The following ZNF100 variants were observed in gnomAD, a reference collection of about 807,000 sequenced individuals.
ZNF100 encodes the protein zinc finger protein 100 (Y1).
ZNF100 carries 12 observed loss-of-function variants against 15.8 expected under a neutral mutation model. That is an observed-to-expected ratio of 0.76 (90% CI 0.49 to 1.23). ZNF100 has a LOEUF of 1.23. Ranked by LOEUF, ZNF100 falls within the 50% of genes most tolerant of loss-of-function variation. ZNF100 has a pLI of 0.00. For synonymous variants in ZNF100, 226 were observed against 214.8 expected (o/e 1.05, Z -0.45); for missense variants, 670 against 635.6 (o/e 1.05, Z -0.58).
At chr19:21,731,210 CAT>C (rs773826344) in intron 4 of ZNF100, among the ~76,000 whole-genome samples, 128 of 152,004 alleles carry the variant, frequency 8.4e-4, no homozygotes, top group Middle Eastern at 3.4e-3. Flanking sequence ...GAAACTTTCA[CAT>C]ATATGTTTAT....
chr19:21,742,275 C>T lies in ZNF100; in HGVS notation c.322+1742G>A, dbSNP rs1411187338. Among the ~76,000 whole-genome samples, 4 of 138,928 alleles carry T rather than the reference C, an allele frequency of 2.9e-5. No homozygotes were observed. In the East Asian group the frequency reaches 8.2e-4, roughly 28 times the overall value. 91.1% of individuals were successfully genotyped at this position (138,928 alleles called of 152,430 possible). On this transcript the variant is annotated intron_variant, in intron 4 of 4. Transcript: ENST00000358296. ...TTGCGCTATTGCACTCCAGCCTCGG[C>T]GACAGAGCAAGACTCTGTCCCCCAC...
At position 21,726,402 on chromosome 19, in the gene ZNF100, A is replaced by G; in HGVS notation, c.*281T>C. 2.7e-6 allele frequency: 1 copy of G among 370,666 alleles called. No homozygotes were observed. Among genetic ancestry groups the G allele is most frequent in the Non-Finnish European group, 4.8e-6 (1 of 207,294 alleles). The allele number at this position is 370,666 out of a possible 1,614,324, so 23.0% of individuals were successfully genotyped here. A position where few individuals can be genotyped will look rare whatever the true frequency, so the allele number is the denominator to read the frequency against. On this transcript the variant is annotated 3_prime_UTR_variant, in exon 5 of 5. Transcript: ENST00000358296. The stretch of plus-strand genomic sequence containing the variant: ...AGTATAACTTACCTTACCTACAATC[A>G]AGTGTGACAACCATTTAAAACTTTA...
intron 2 of ZNF100, among the ~76,000 whole-genome samples, chr19:21,764,909 T>G (rs886757912): frequency 6.6e-6 from 1 of 152,108 alleles, no homozygotes; most frequent in Admixed American, 6.6e-5. Context: ...ATCCACCACA[T>G]TTTCTTGTGG....
intron 2 of ZNF100, chr19:21,753,509 C>G (rs35588095): frequency 0.093 from 14,217 of 152,094 alleles, 895 homozygotes; most frequent in South Asian, 0.18. Flanking sequence ...CTTGAGCCTG[C>G]GGGGTCAAGG....
intron 2 of ZNF100, among the ~76,000 whole-genome samples, chr19:21,745,990 A>T (rs550974327): frequency 6.6e-6 from 1 of 152,248 alleles, no homozygotes; most frequent in East Asian, 1.9e-4. Context: ...CAAAGAAAAC[A>T]TAAGAAAAAA....
chr19:21,767,542 C>G lies in ZNF100; in HGVS notation c.-113G>C. 1.4e-6 allele frequency: 2 copies of G among 1,480,250 alleles called. No individual in the cohort carries two copies. Among genetic ancestry groups the G allele is most frequent in the Non-Finnish European group, 1.8e-6 (2 of 1,089,914 alleles). The allele number at this position is 1,480,250 out of a possible 1,614,324, so 91.7% of individuals were successfully genotyped here. ...AGCAGAAGACACAGAGAAGTGAGAG[C>G]AAAACCTGGAGCTCCGGCTACAGCG... is the stretch of plus-strand genomic sequence containing the variant. On this transcript the variant is annotated 5_prime_UTR_variant, in exon 1 of 5. Transcript: ENST00000358296.
chr19:21,741,728 T>G (rs1199445036), intron 4 of ZNF100, among the ~76,000 whole-genome samples: 1 of 151,620 alleles, frequency 6.6e-6, no homozygotes, highest in African/African-American at 2.4e-5. Flanking sequence ...CAAGCTGGAG[T>G]GCAGTGGCAC....
chr19:21,727,394 T>G lies in ZNF100; in HGVS notation c.918A>C (p.Thr306=). The part of the protein sequence containing the change: ...KAFNRSSHLT[T]HKRIHTGVKP... ...TCACTCCAGTATGAATTCTTTTATG[T>G]GTAGTAAGGTGTGAAGACCGGTTAA... Residue 306 remains threonine (T), a synonymous_variant, in exon 5 of 5, where the codon ACA becomes ACC. Transcript: ENST00000358296. 2 of 1,612,942 alleles carry G rather than the reference T, an allele frequency of 1.2e-6. No homozygotes were observed. The highest frequency in any genetic ancestry group is 8.5e-7 in the Non-Finnish European group (1 of 1,179,726).
Position 21,751,810 on chromosome 19 carries a change from T to C in ZNF100, c.97-6743A>G. ...AAGAAAGAGCACAGAACCTAGAGGC[T>C]ATTTCTAGATTATGTGAAGACAAAG... On this transcript the variant is annotated intron_variant, in intron 2 of 4. Transcript: ENST00000358296. 2.7e-5 allele frequency: 29 copies of C among 1,066,954 alleles called. 2 individuals are homozygous for C. In the South Asian group the frequency reaches 4.4e-4, roughly 16 times the overall value. 66.1% of individuals were successfully genotyped at this position (1,066,954 alleles called of 1,614,324 possible).
chr19:21,741,548 T>C (rs2036108544), intron 4 of ZNF100, among the ~76,000 whole-genome samples: 1 of 152,110 alleles, frequency 6.6e-6, no homozygotes, highest in Admixed American at 6.5e-5. Context: ...CTAATTTTTG[T>C]ATTTTTAGTA....
chr19:21,731,584 G>A (rs1336042271), intron 4 of ZNF100, among the ~76,000 whole-genome samples: 1 of 152,046 alleles, frequency 6.6e-6, no homozygotes, highest in African/African-American at 2.4e-5. Flanking sequence ...TGGGATTACA[G>A]GCATGAGCCA....
intron 4 of ZNF100, among the ~76,000 whole-genome samples, chr19:21,739,462 G>A (rs941527721): frequency 7.9e-6 from 1 of 127,306 alleles, no homozygotes; most frequent in South Asian, 2.5e-4. Flanking sequence ...AGGCTGAGGT[G>A]TAAAGATCAC....
At chr19:21,754,263 A>G (rs1219021178) in intron 2 of ZNF100, among the ~76,000 whole-genome samples, 1 of 151,892 alleles carries the variant, frequency 6.6e-6, no homozygotes, top group Non-Finnish European at 1.5e-5. Flanking sequence ...AACATTGTTT[A>G]TGGAGTTCAG....
chr19:21,758,064 A>G (rs912241983), intron 2 of ZNF100, among the ~76,000 whole-genome samples: 4 of 152,188 alleles, frequency 2.6e-5, no homozygotes, highest in Admixed American at 2.6e-4. Context: ...TTTAATAGAA[A>G]CAAAATATGG....
rs1321097907 is a variant in ZNF100, at chr19:21,725,005, C to T, written c.*1678G>A. ...GGTGGAGGTTACAGTGAGCCGAGAT[C>T]GTGCCACTGCACTCCAGCCTGGGTG... On this transcript the variant is annotated 3_prime_UTR_variant, in exon 5 of 5. Coordinates refer to ENST00000358296, the MANE Select transcript of ZNF100 (RefSeq NM_173531.4). 7.9e-5 allele frequency: 12 copies of T among 152,180 alleles called. No individual in the cohort carries two copies. The highest frequency in any genetic ancestry group is 3.9e-4 in the East Asian group (2 of 5,174). 9.4% of individuals were successfully genotyped at this position (152,180 alleles called of 1,614,324 possible).
intron 4 of ZNF100, among the ~76,000 whole-genome samples, chr19:21,734,750 A>G (rs1214040577): frequency 6.6e-6 from 1 of 152,162 alleles, no homozygotes; most frequent in Non-Finnish European, 1.5e-5. Context: ...CTCAAGACAC[A>G]TAATTATCAG....
chr19:21,732,341 A>T (rs2035934785), intron 4 of ZNF100, among the ~76,000 whole-genome samples: 1 of 152,238 alleles, frequency 6.6e-6, no homozygotes, highest in Non-Finnish European at 1.5e-5. Context: ...AATTTTTATA[A>T]CTGGTCACCT....
rs755824682 is a variant in ZNF100 at position 21,726,735 on chromosome 19, A to C, written c.1577T>G (p.Leu526Arg). The C allele has an allele frequency of 6.2e-7, 1 of 1,610,974 alleles. No homozygotes were observed. The highest frequency in any genetic ancestry group is 1.7e-5 in the Admixed American group (1 of 59,734). The part of the protein sequence containing the change: ...EECGKDFNQS[L>R]SLIKQNNSYW... ...TGAGTTATTTTGTTTAATAAGGCTT[A>C]GGGACTGGTTAAAGTCTTTACCACA... is the stretch of plus-strand genomic sequence containing the variant. Residue 526 changes from leucine to arginine, a missense_variant, in exon 5 of 5, where the codon CTA becomes CGA. Transcript: ENST00000358296.
chr19:21,747,494 A>G (rs2036231411), intron 2 of ZNF100, among the ~76,000 whole-genome samples: 1 of 152,166 alleles, frequency 6.6e-6, no homozygotes, highest in African/African-American at 2.4e-5. Context: ...GTGATTCTGC[A>G]TGTTTGGAAA....
Sources: gnomAD v4.1 joint callset for allele counts (sites outside exome capture counted in the v4.1 genomes callset) on GRCh38, gnomAD v4.1.1 for gene constraint, MANE v1.5 for transcripts, NCBI Gene and HGNC (gene_info 2026-07-23, HGNC 2026-07-21) for gene names.